NDUFA10: variants seen among roughly 807,000 people sequenced by gnomAD.
NDUFA10 encodes NADH dehydrogenase [ubiquinone] 1 alpha subcomplex subunit 10, mitochondrial.
A neutral mutation model predicts 47.8 loss-of-function variants in NDUFA10; 40 were observed. The observed-to-expected ratio is 0.84, with a 90% CI of 0.65 to 1.09. NDUFA10 has a LOEUF of 1.09. Ranked by LOEUF, NDUFA10 falls within the 50% of genes least tolerant of loss-of-function variation. The pLI is 0.00. For synonymous variants in NDUFA10, 183 were observed against 172.2 expected (o/e 1.06, Z -0.49); for missense variants, 413 against 451.1 (o/e 0.92, Z 0.76).
chr2:239,947,750 G>A (rs1694479367), intron 4 of NDUFA10, among the ~76,000 whole-genome samples: 1 of 152,246 alleles, frequency 6.6e-6, no homozygotes, highest in South Asian at 2.1e-4. Flanking sequence ...AGCTCTTGTT[G>A]CCAGATGGCA....
At chr2:239,992,108 A>C (rs1174103458) in intron 8 of NDUFA10, among the ~76,000 whole-genome samples, 1 of 152,240 alleles carries the variant, frequency 6.6e-6, no homozygotes, top group Non-Finnish European at 1.5e-5. Context: ...GTAAACTCCT[A>C]GATTTAAGTA....
intron 4 of NDUFA10, among the ~76,000 whole-genome samples, chr2:239,898,841 T>C (rs1693451589): frequency 6.6e-6 from 1 of 152,310 alleles, no homozygotes; most frequent in Non-Finnish European, 1.5e-5. Context: ...GCAAGCATTT[T>C]TCTGAGCTTA....
intron 4 of NDUFA10, among the ~76,000 whole-genome samples, chr2:239,920,795 T>C (rs1030327324): frequency 1.3e-5 from 2 of 152,136 alleles, no homozygotes; most frequent in Admixed American, 6.5e-5. Context: ...ACACCTGCTA[T>C]TGAAAGAAAG....
Position 240,007,298 on chromosome 2 carries a change from T to A in NDUFA10, c.804+18A>T. ...TCAAATGTAGGAATAACTTTCAACT[T>A]TTCAACCATTTTCTTACCTTTTTTG... is the stretch of plus-strand genomic sequence containing the variant. On this transcript the variant is annotated intron_variant, in intron 7 of 9. Coordinates refer to ENST00000252711, the MANE Select transcript of NDUFA10 (RefSeq NM_004544.4). 1 of 1,563,074 alleles carries A rather than the reference T, an allele frequency of 6.4e-7. No homozygotes were observed. Among genetic ancestry groups the A allele is most frequent in the Admixed American group, 1.7e-5 (1 of 59,604 alleles).
At chr2:239,946,061 C>A (rs1353781860) in intron 4 of NDUFA10, among the ~76,000 whole-genome samples, 3 of 152,222 alleles carry the variant, frequency 2.0e-5, no homozygotes, top group African/African-American at 7.2e-5. Flanking sequence ...GCAGACGTGT[C>A]CCTTGCAGGT....
At chr2:240,007,570 T>C (rs186055307) in intron 6 of NDUFA10, among the ~76,000 whole-genome samples, 200 bp from the exon 7 acceptor site, 81 of 152,330 alleles carry the variant, frequency 5.3e-4, no homozygotes, top group Admixed American at 1.2e-3. Flanking sequence ...AATGTTCTCA[T>C]GGCTGGCTTG....
rs373481706 is a variant in NDUFA10, at chr2:239,982,111, G to A, written c.999+7963C>T. The A allele has an allele frequency of 3.7e-6, 6 of 1,612,734 alleles. No homozygotes were observed. The East Asian group carries it at 8.9e-5, about 24-fold the overall frequency. On this transcript the variant is annotated intron_variant, in intron 9 of 9. Coordinates refer to ENST00000252711, the MANE Select transcript of NDUFA10 (RefSeq NM_004544.4). ...GCAGCAAACCAGTGACCTGACACGTGTACCTGAAGACCGATGAGAAGGTCT... is the reference window on the plus strand; with the variant it reads ...GCAGCAAACCAGTGACCTGACACGTATACCTGAAGACCGATGAGAAGGTCT...
At chr2:239,992,738 G>C (rs1696302709) in intron 8 of NDUFA10, among the ~76,000 whole-genome samples, 2 of 152,150 alleles carry the variant, frequency 1.3e-5, no homozygotes, top group African/African-American at 4.8e-5. Context: ...AGTCAGTTAG[G>C]GATGTGGATA....
At chr2:239,965,304 C>T (rs1262918920) in intron 9 of NDUFA10, among the ~76,000 whole-genome samples, 2 of 149,316 alleles carry the variant, frequency 1.3e-5, no homozygotes, top group African/African-American at 2.5e-5. Context: ...GAGAACCATG[C>T]GGGGGGGGAG....
Position 239,958,789 on chromosome 2 carries a change from C to T in NDUFA10, c.*2329G>A, listed in dbSNP as rs1694730919. 1.3e-5 allele frequency: 4 copies of T among 316,346 alleles called. No homozygotes were observed. Among genetic ancestry groups the T allele is most frequent in the Non-Finnish European group, 1.8e-5 (4 of 218,438 alleles). 19.6% of individuals were successfully genotyped at this position (316,346 alleles called of 1,614,324 possible). A position where few individuals can be genotyped will look rare whatever the true frequency, so the allele number is the denominator to read the frequency against. Reference sequence around the variant, plus strand: ...AGGACTTTCTTTTCAATACAGAATTCTCATGCCTGTAAACACATGCCTGTA... The same window carrying T: ...AGGACTTTCTTTTCAATACAGAATTTTCATGCCTGTAAACACATGCCTGTA... On this transcript the variant is annotated 3_prime_UTR_variant, in exon 10 of 10. Transcript: ENST00000252711.
At chr2:239,911,782 C>A in intron 4 of NDUFA10, among the ~76,000 whole-genome samples, 1 of 151,888 alleles carries the variant, frequency 6.6e-6, no homozygotes, top group East Asian at 1.9e-4. Context: ...TGCACACACA[C>A]ACCACACACC....
chr2:240,003,753 A>C (rs965863092), intron 8 of NDUFA10, among the ~76,000 whole-genome samples: 2 of 152,176 alleles, frequency 1.3e-5, no homozygotes, highest in African/African-American at 4.8e-5. Flanking sequence ...CTGTACCAGG[A>C]ACTGGGCGTT....
intron 4 of NDUFA10, among the ~76,000 whole-genome samples, chr2:239,925,379 T>C (rs1694049414): frequency 6.6e-6 from 1 of 152,182 alleles, no homozygotes; most frequent in African/African-American, 2.4e-5. Context: ...ATACAAGTAC[T>C]TCCAATTGAT....
intron 8 of NDUFA10, among the ~76,000 whole-genome samples, chr2:239,993,350 T>A (rs1487748872): frequency 6.6e-6 from 1 of 152,120 alleles, no homozygotes; most frequent in Non-Finnish European, 1.5e-5. Context: ...ACCATATACA[T>A]TCATATAAGT....
At chr2:239,995,612 C>T (rs1010403023) in intron 8 of NDUFA10, among the ~76,000 whole-genome samples, 7 of 152,126 alleles carry the variant, frequency 4.6e-5, no homozygotes, top group Non-Finnish European at 8.8e-5. Flanking sequence ...ATTATCTTCA[C>T]GCTCACTTCT....
At chr2:239,939,201 G>A (rs1166543458) in intron 4 of NDUFA10, among the ~76,000 whole-genome samples, 1 of 152,142 alleles carries the variant, frequency 6.6e-6, no homozygotes, top group Non-Finnish European at 1.5e-5. Flanking sequence ...TGAGTGGAAA[G>A]GGAGGCCTGG....
chr2:240,023,269 A>G (rs1697714539), intron 1 of NDUFA10, among the ~76,000 whole-genome samples: 1 of 152,278 alleles, frequency 6.6e-6, no homozygotes. Context: ...AAGAAAACAA[A>G]GAATAAAAAC....
chr2:239,943,852 T>C (rs1308203187), intron 4 of NDUFA10, among the ~76,000 whole-genome samples: 2 of 152,152 alleles, frequency 1.3e-5, no homozygotes, highest in African/African-American at 2.4e-5. Flanking sequence ...CCAAGACTCC[T>C]TGGGGATGAG....
At position 239,987,590 on chromosome 2, in the gene NDUFA10, C is replaced by A. The variant is rs1696052119; in HGVS notation, c.999+2484G>T. The stretch of plus-strand genomic sequence containing the variant: ...CCAAACTACCCAAACTAAAAAAAAA[C>A]AAATAGGTAAAAATGATGATCAAAT... On this transcript the variant is annotated intron_variant, in intron 9 of 9. Coordinates refer to ENST00000252711, the MANE Select transcript of NDUFA10 (RefSeq NM_004544.4). The surrounding 1 kb of genome is among the most constrained non-coding windows in gnomAD (Gnocchi z 4.8). Among the ~76,000 whole-genome samples, 1 of 151,352 alleles carries A rather than the reference C, an allele frequency of 6.6e-6. No individual in the cohort carries two copies. The highest frequency in any genetic ancestry group is 1.5e-5 in the Non-Finnish European group (1 of 67,806).
Sources: allele counts gnomAD v4.1 joint callset (sites outside exome capture counted in the v4.1 genomes callset), GRCh38; gene constraint gnomAD v4.1.1; non-coding constraint Gnocchi (gnomAD v3.1); transcripts MANE v1.5; gene names NCBI Gene and HGNC (gene_info 2026-07-23, HGNC 2026-07-21).